Variants in DESI2 observed in about 807,000 individuals in gnomAD.
The protein encoded by DESI2 is deubiquitinase DESI2.
A neutral mutation model predicts 24.1 loss-of-function variants in DESI2; 10 were observed. The ratio of observed to expected loss-of-function variants is 0.41; its 90% confidence interval spans 0.26 to 0.70. The LOEUF (loss-of-function observed/expected upper bound fraction) is 0.70, where lower values mean the gene tolerates loss of function less well. DESI2 is among the 30% of genes least tolerant of loss of function. The pLI is 0.29. For missense variants in DESI2, 122 were observed against 234.9 expected, an observed-to-expected ratio of 0.52 and a Z score of 3.14; for synonymous variants, 71 against 87.7, an observed-to-expected ratio of 0.81 and a Z score of 1.06.
chr1:244,667,128 T>G, intron 1 of DESI2, among the ~76,000 whole-genome samples: 1 of 152,204 alleles, frequency 6.6e-6, no homozygotes, highest in South Asian at 2.1e-4. Flanking sequence ...GTCCTCACAT[T>G]TCAAAACCAA....
At chr1:244,663,336 C>A (rs1355232817) in intron 1 of DESI2, among the ~76,000 whole-genome samples, 2 of 152,036 alleles carry the variant, frequency 1.3e-5, no homozygotes, top group Non-Finnish European at 2.9e-5. Flanking sequence ...GCCACCACGC[C>A]CGGCTAATTT....
At position 244,689,688 on chromosome 1, in the gene DESI2, T is replaced by C. The variant is rs6661563; in HGVS notation, c.209+346T>C. Among the ~76,000 whole-genome samples, 42,490 of 151,942 alleles carry C rather than the reference T, an allele frequency of 0.28. 6,209 individuals carry two copies. Among genetic ancestry groups the C allele is most frequent in the African/African-American group, 0.37 (15,214 of 41,452 alleles). ...CGACGTCCGGCTAATTTTTGTATTT[T>C]TAGTAGAGATGGAGTTTCGCCATGT... On this transcript the variant is annotated intron_variant, in intron 3 of 4. Transcript: ENST00000302550. This position sits in a 1 kb window ranked among gnomAD's most constrained non-coding sequence, Gnocchi z 4.0.
At chr1:244,680,948 C>CTT (rs34557918) in intron 1 of DESI2, among the ~76,000 whole-genome samples, 94 of 141,178 alleles carry the variant, frequency 6.7e-4, no homozygotes, top group East Asian at 3.6e-3. Flanking sequence ...CCTCCTTTTA[C>CTT]TTTTTTTTTT....
Position 244,692,207 on chromosome 1 carries a change from T to G in DESI2, c.351+187T>G, listed in dbSNP as rs75239648. Among the ~76,000 whole-genome samples the G allele has an allele frequency of 6.8e-3, 1,037 of 152,300 alleles. 4 individuals carry two copies. Among genetic ancestry groups the G allele is most frequent in the Non-Finnish European group, 0.011 (732 of 68,026 alleles). ...GTTGGTAACTTGAGAGTCCGCAGTT[T>G]TAAATGGTAATTCTATTCATTACTT... On this transcript the variant is annotated intron_variant, in intron 4 of 4. Coordinates refer to ENST00000302550, the MANE Select transcript of DESI2 (RefSeq NM_016076.5).
intron 3 of DESI2, among the ~76,000 whole-genome samples, chr1:244,690,368 G>T (rs1279237817): frequency 6.6e-6 from 1 of 152,070 alleles, no homozygotes; most frequent in Non-Finnish European, 1.5e-5. Flanking sequence ...GAATATAAAT[G>T]TTAATAATAA....
chr1:244,661,472 C>A (rs2148782442), intron 1 of DESI2, among the ~76,000 whole-genome samples: 1 of 152,108 alleles, frequency 6.6e-6, no homozygotes, highest in African/African-American at 2.4e-5. Context: ...AGGTTTGTTA[C>A]ATATGTATAC....
At chr1:244,662,122 C>T (rs1302571161) in intron 1 of DESI2, among the ~76,000 whole-genome samples, 2 of 152,182 alleles carry the variant, frequency 1.3e-5, no homozygotes, top group African/African-American at 4.8e-5. Context: ...GAGAAGGTAT[C>T]TCATTGTGGT....
intron 1 of DESI2, among the ~76,000 whole-genome samples, chr1:244,659,352 G>A (rs1243348147): frequency 6.6e-6 from 1 of 152,164 alleles, no homozygotes; most frequent in Non-Finnish European, 1.5e-5. Context: ...CAGAAGACCA[G>A]GTGGGTTAGC....
Position 244,707,444 on chromosome 1 carries a change from C to A in DESI2, c.*1655C>A, listed in dbSNP as rs904544399. ...AAGCCTTTACAAATTACTCTCAGTT[C>A]TTTAGGGGCAGAAGGCTTGTTTCAA... is the stretch of plus-strand genomic sequence containing the variant. On this transcript the variant is annotated 3_prime_UTR_variant, in exon 5 of 5. Transcript: ENST00000302550. 1 of 152,540 alleles carries A rather than the reference C, an allele frequency of 6.6e-6. No homozygotes were observed. Among genetic ancestry groups the A allele is most frequent in the Non-Finnish European group, 1.5e-5 (1 of 68,022 alleles). The allele number at this position is 152,540 out of a possible 1,614,324, so 9.4% of individuals were successfully genotyped here.
chr1:244,702,252 G>A lies in DESI2; in HGVS notation c.352-3304G>A, dbSNP rs555042753. On this transcript the variant is annotated intron_variant, in intron 4 of 4. Coordinates refer to ENST00000302550, the MANE Select transcript of DESI2 (RefSeq NM_016076.5). ...GGCTTGGCTGGGCACGGTGGCTCACGCCTGTAATCCCGACACTTTGGGAGG... is the reference window on the plus strand; with the variant it reads ...GGCTTGGCTGGGCACGGTGGCTCACACCTGTAATCCCGACACTTTGGGAGG... Among the ~76,000 whole-genome samples, 11 of 152,296 alleles carry A rather than the reference G, an allele frequency of 7.2e-5. No homozygotes were observed. In the East Asian group the frequency reaches 1.5e-3, roughly 21 times the overall value.
intron 1 of DESI2, among the ~76,000 whole-genome samples, chr1:244,663,379 T>C (rs1157444999): frequency 1.3e-5 from 2 of 151,976 alleles, no homozygotes; most frequent in African/African-American, 4.8e-5. Context: ...GGTTTCACCA[T>C]GTTAGCCAGG....
At chr1:244,673,457 T>C (rs991733469) in intron 1 of DESI2, among the ~76,000 whole-genome samples, 2 of 152,266 alleles carry the variant, frequency 1.3e-5, no homozygotes, top group African/African-American at 2.4e-5. Context: ...TTTCTTCTGC[T>C]CTTGATATAT....
chr1:244,688,666 C>T (rs1019703228), intron 2 of DESI2, among the ~76,000 whole-genome samples: 3 of 152,002 alleles, frequency 2.0e-5, no homozygotes, highest in African/African-American at 4.8e-5. Flanking sequence ...AATAGTTTAT[C>T]CTAGCTAAAA....
chr1:244,655,254 G>A (rs984162870), intron 1 of DESI2, among the ~76,000 whole-genome samples: 1 of 152,198 alleles, frequency 6.6e-6, no homozygotes, highest in Non-Finnish European at 1.5e-5. Context: ...TAAGTGATCT[G>A]CCTAAACAAC....
At chr1:244,694,477 G>C (rs1677140218) in intron 4 of DESI2, 1 of 790,520 alleles carries the variant, frequency 1.3e-6, no homozygotes, top group Non-Finnish European at 2.3e-6. Context: ...GGTTTAGGTG[G>C]TGTTCCTTCA....
At chr1:244,705,429 C>T in intron 4 of DESI2, 127 bp from the exon 5 acceptor site, 1 of 691,962 alleles carries the variant, frequency 1.4e-6, no homozygotes, top group Non-Finnish European at 2.5e-6. Context: ...TGGAGTGACA[C>T]CACTGAAGGC....
At chr1:244,657,399 T>C (rs1238924478) in intron 1 of DESI2, among the ~76,000 whole-genome samples, 2 of 152,214 alleles carry the variant, frequency 1.3e-5, no homozygotes, top group Non-Finnish European at 2.9e-5. Context: ...CGCACATTCT[T>C]CCTCTTGCCC....
At chr1:244,704,848 CAG>C (rs1677630911) in intron 4 of DESI2, among the ~76,000 whole-genome samples, 1 of 152,148 alleles carries the variant, frequency 6.6e-6, no homozygotes, top group Admixed American at 6.5e-5. Flanking sequence ...TTGGTAGAGA[CAG>C]GGTTTCACCA....
chr1:244,695,844 T>TTGCCC (rs1558666622), intron 4 of DESI2, among the ~76,000 whole-genome samples: 2 of 152,156 alleles, frequency 1.3e-5, no homozygotes, highest in African/African-American at 2.4e-5. Flanking sequence ...AATGTGATCA[T>TTGCCC]AGTTCATTGC....
Sources: allele counts gnomAD v4.1 joint callset (sites outside exome capture counted in the v4.1 genomes callset), GRCh38; gene constraint gnomAD v4.1.1; non-coding constraint Gnocchi (gnomAD v3.1); transcripts MANE v1.5; gene names NCBI Gene and HGNC (gene_info 2026-07-23, HGNC 2026-07-21).